The following NDUFA10 variants were observed in gnomAD, a reference collection of about 807,000 sequenced individuals.
NDUFA10 encodes NADH:ubiquinone oxidoreductase subunit A10.
NDUFA10 carries 40 observed loss-of-function variants against 47.8 expected under a neutral mutation model. That is an observed-to-expected ratio of 0.84 (90% CI 0.65 to 1.09). The LOEUF (loss-of-function observed/expected upper bound fraction) is 1.09, where lower values mean the gene tolerates loss of function less well. Ranked by LOEUF, NDUFA10 falls within the 50% of genes least tolerant of loss-of-function variation. The pLI is 0.00. For synonymous variants in NDUFA10, 183 were observed against 172.2 expected, an observed-to-expected ratio of 1.06 and a Z score of -0.49; for missense variants, 413 against 451.1, an observed-to-expected ratio of 0.92 and a Z score of 0.76.
At chr2:239,924,487 A>G (rs751333289) in intron 4 of NDUFA10, among the ~76,000 whole-genome samples, 1 of 152,136 alleles carries the variant, frequency 6.6e-6, no homozygotes, top group Non-Finnish European at 1.5e-5. Flanking sequence ...GTACTTGACA[A>G]AAGTCAACCC....
chr2:239,934,518 C>T (rs62181322), intron 4 of NDUFA10, among the ~76,000 whole-genome samples: 54,087 of 152,014 alleles, frequency 0.36, 10,786 homozygotes, highest in Middle Eastern at 0.48. Context: ...TGTACATACT[C>T]ATGATGTTTG....
intron 3 of NDUFA10, among the ~76,000 whole-genome samples, chr2:240,019,893 G>A (rs1360831555): frequency 1.3e-5 from 2 of 150,128 alleles, no homozygotes; most frequent in African/African-American, 4.9e-5. Context: ...TCCACGCTAC[G>A]ACATCAGCTC....
intron 1 of NDUFA10, among the ~76,000 whole-genome samples, chr2:240,022,778 G>A (rs573669737): frequency 6.6e-6 from 1 of 152,138 alleles, no homozygotes; most frequent in East Asian, 1.9e-4. Flanking sequence ...TCCTGACCTC[G>A]TTACCCCACT....
intron 8 of NDUFA10, among the ~76,000 whole-genome samples, chr2:239,998,593 C>G (rs898498596): frequency 6.6e-6 from 1 of 152,186 alleles, no homozygotes; most frequent in Non-Finnish European, 1.5e-5. Context: ...GCAGCAAACT[C>G]AGCCCTACCA....
intron 4 of NDUFA10, among the ~76,000 whole-genome samples, chr2:239,942,246 G>C (rs58263572): frequency 6.6e-6 from 1 of 152,190 alleles, no homozygotes; most frequent in Non-Finnish European, 1.5e-5. Context: ...CGGTGTTCAC[G>C]CGGTAGTGTG....
At chr2:239,998,465 C>T (rs1449481230) in intron 8 of NDUFA10, among the ~76,000 whole-genome samples, 1 of 152,336 alleles carries the variant, frequency 6.6e-6, no homozygotes, top group Admixed American at 6.5e-5. Flanking sequence ...GCCTTTCCTT[C>T]GCCACACACA....
intron 8 of NDUFA10, among the ~76,000 whole-genome samples, chr2:239,995,232 C>A (rs1450188719): frequency 6.6e-6 from 1 of 152,058 alleles, no homozygotes. Flanking sequence ...CAAGATCATG[C>A]CACTGCAGCC....
rs77676249 is a variant in NDUFA10, at chr2:239,906,813, T to C, written c.295-11499A>G. On this transcript the variant is annotated intron_variant, in intron 4 of 5. Coordinates refer to the NDUFA10 transcript ENST00000419408. The surrounding 1 kb of genome is among the most constrained non-coding windows in gnomAD (Gnocchi z 4.3). ...GCTCATGGACAGGAAGAATCAATAT[T>C]GTGAAAATGGCCATACTGCACAAGG... Among the ~76,000 whole-genome samples, 2 of 152,298 alleles carry C rather than the reference T, an allele frequency of 1.3e-5. No homozygotes were observed. Among genetic ancestry groups the C allele is most frequent in the Admixed American group, 6.5e-5 (1 of 15,288 alleles).
chr2:239,960,125 T>C lies in NDUFA10; in HGVS notation c.*993A>G, dbSNP rs779228422. 2.0e-6 allele frequency: 2 copies of C among 985,318 alleles called. No homozygotes were observed. Among genetic ancestry groups the C allele is most frequent in the African/African-American group, 1.7e-5 (1 of 57,212 alleles). 61.0% of individuals were successfully genotyped at this position (985,318 alleles called of 1,614,324 possible). A position where few individuals can be genotyped will look rare whatever the true frequency, so the allele number is the denominator to read the frequency against. On this transcript the variant is annotated 3_prime_UTR_variant, in exon 10 of 10. Coordinates refer to ENST00000252711, the MANE Select transcript of NDUFA10 (RefSeq NM_004544.4). ...TACCATATTGGACACAGTGGAGCTT[T>C]ACAGTGGAAAACCCACAGTTCAGTA...
chr2:240,025,120 G>T, intron 1 of NDUFA10, 107 bp downstream of exon 1: 1 of 1,166,330 alleles, frequency 8.6e-7, no homozygotes, highest in South Asian at 1.8e-5. Context: ...CCCGGAGAGC[G>T]ACCTGGGAGC....
chr2:239,938,291 T>G (rs6752251), intron 4 of NDUFA10, among the ~76,000 whole-genome samples: 71,400 of 152,022 alleles, frequency 0.47, 17,071 homozygotes, highest in African/African-American at 0.55. Context: ...TACAGACACC[T>G]GCTGTCCAGG....
chr2:240,012,865 T>C (rs936794004), intron 5 of NDUFA10: 2 of 152,236 alleles, frequency 1.3e-5, no homozygotes, highest in Non-Finnish European at 2.9e-5. Flanking sequence ...AGACCATCTT[T>C]GTTCATCTTT....
intron 4 of NDUFA10, among the ~76,000 whole-genome samples, chr2:239,900,402 C>G (rs1282332210): frequency 1.3e-5 from 2 of 151,196 alleles, no homozygotes; most frequent in African/African-American, 4.9e-5. Flanking sequence ...TTGACTAATA[C>G]AGGCCTCTAG....
intron 4 of NDUFA10, among the ~76,000 whole-genome samples, chr2:239,934,865 C>CA (rs1381115228): frequency 6.6e-6 from 1 of 152,194 alleles, no homozygotes; most frequent in African/African-American, 2.4e-5. Flanking sequence ...GCCTGCAACT[C>CA]AGACAACCCC....
chr2:240,021,520 GA>G, intron 2 of NDUFA10, 108 bp from the exon 3 acceptor site: 2 of 987,386 alleles, frequency 2.0e-6, no homozygotes. Context: ...CACCGCCAGG[GA>G]TGGAGCCAAT....
At chr2:240,018,035 G>A (rs532916283) in intron 4 of NDUFA10, 11 of 746,996 alleles carry the variant, frequency 1.5e-5, no homozygotes, top group Non-Finnish European at 2.2e-5. Context: ...AAACCAGGGG[G>A]TCTTTGTTCC....
intron 4 of NDUFA10, among the ~76,000 whole-genome samples, chr2:239,916,505 T>A (rs528889584): frequency 1.3e-5 from 2 of 152,296 alleles, no homozygotes; most frequent in East Asian, 3.9e-4. Flanking sequence ...CAAATGCCCG[T>A]CACAGGCCAA....
rs546808621 is a variant in NDUFA10 at position 239,959,772 on chromosome 2, G to A, written c.*1346C>T. 1.3e-6 allele frequency: 1 copy of A among 747,044 alleles called. No individual in the cohort carries two copies. Among genetic ancestry groups the A allele is most frequent in the Non-Finnish European group, 1.6e-6 (1 of 612,604 alleles). The allele number at this position is 747,044 out of a possible 1,614,324, so 46.3% of individuals were successfully genotyped here. A position where few individuals can be genotyped will look rare whatever the true frequency, so the allele number is the denominator to read the frequency against. On this transcript the variant is annotated 3_prime_UTR_variant, in exon 10 of 10. Transcript: ENST00000252711. ...GGGAAGGAAAGAGGCAGGGAGGAAG[G>A]GAAGGGAGGAAAACAAGGACAGATG...
chr2:239,938,699 G>A (rs570252060), intron 4 of NDUFA10, among the ~76,000 whole-genome samples: 14 of 152,212 alleles, frequency 9.2e-5, no homozygotes, highest in South Asian at 4.1e-4. Context: ...CGCAGATGCC[G>A]GCAGAGGGGA....
Sources: allele counts gnomAD v4.1 joint callset (sites outside exome capture counted in the v4.1 genomes callset), GRCh38; gene constraint gnomAD v4.1.1; non-coding constraint Gnocchi (gnomAD v3.1); transcripts MANE v1.5; gene names NCBI Gene and HGNC (gene_info 2026-07-23, HGNC 2026-07-21).